The following GFM1 variants were observed in gnomAD, a reference collection of about 807,000 sequenced individuals.
The protein encoded by GFM1 is elongation factor G, mitochondrial.
In GFM1, 62 loss-of-function variants were observed where a neutral mutation model predicts 96.2. The ratio of observed to expected loss-of-function variants is 0.64; its 90% CI spans 0.53 to 0.80. The LOEUF (loss-of-function observed/expected upper bound fraction) is 0.80. Ranked by LOEUF, GFM1 falls within the 30% of genes least tolerant of loss-of-function variation. The pLI is 0.00. For missense variants in GFM1, 852 were observed against 916.6 expected, an observed-to-expected ratio of 0.93 and a Z score of 0.91; for synonymous variants, 282 against 312.9, an observed-to-expected ratio of 0.90 and a Z score of 1.04.
intron 5 of GFM1, chr3:158,649,987 C>A: frequency 6.5e-7 from 1 of 1,534,042 alleles, no homozygotes; most frequent in South Asian, 1.2e-5. Flanking sequence ...CCTCTGTAGC[C>A]TGGTCGTTTC....
At chr3:158,669,276 G>C in intron 13 of GFM1, 3 of 1,195,894 alleles carry the variant, frequency 2.5e-6, no homozygotes, top group Non-Finnish European at 3.5e-6. Flanking sequence ...TAAAATTTCT[G>C]AGGCCTCTTT....
intron 6 of GFM1, 32 bp downstream of exon 6, chr3:158,652,278 C>A: frequency 6.2e-7 from 1 of 1,602,102 alleles, no homozygotes; most frequent in Non-Finnish European, 8.6e-7. Context: ...CTTATGTTAA[C>A]AACAAAAAGA....
Position 158,658,941 on chromosome 3 carries a change from T to C in GFM1, c.1103T>C (p.Leu368Ser). Residue 368 changes from leucine (L) to serine (S), a missense_variant, in exon 9 of 18, where the codon TTA becomes TCA. Coordinates refer to ENST00000486715, the MANE Select transcript of GFM1 (RefSeq NM_024996.7). ...FKLEVGRFGQ[L>S]TYVRSYQGEL... Reference sequence around the variant, plus strand: ...TTCTAGGTAGGTCGATTTGGACAATTAACTTATGTTCGCAGTTATCAGGGA... The same window carrying C: ...TTCTAGGTAGGTCGATTTGGACAATCAACTTATGTTCGCAGTTATCAGGGA... 6.2e-7 allele frequency: 1 copy of C among 1,614,216 alleles called. No individual in the cohort carries two copies. The highest frequency in any genetic ancestry group is 2.2e-5 in the East Asian group (1 of 44,882).
At chr3:158,670,113 C>T (rs1246557136) in intron 13 of GFM1, among the ~76,000 whole-genome samples, 1 of 152,182 alleles carries the variant, frequency 6.6e-6, no homozygotes, top group Non-Finnish European at 1.5e-5. Flanking sequence ...TTTAATGAAT[C>T]TCTTTATGAA....
At chr3:158,669,235 CA>C (rs1295080490) in intron 13 of GFM1, 12 of 1,325,294 alleles carry the variant, frequency 9.1e-6, no homozygotes, top group Non-Finnish European at 9.3e-6. Flanking sequence ...GAATGTTGTG[CA>C]AAAAATAATT....
intron 3 of GFM1, 49 bp from the exon 4 acceptor site, chr3:158,646,694 A>T: frequency 6.7e-7 from 1 of 1,486,802 alleles, no homozygotes; most frequent in South Asian, 1.2e-5. Context: ...TGCATATATT[A>T]AAAATTCAGA....
intron 4 of GFM1, among the ~76,000 whole-genome samples, chr3:158,648,124 G>A (rs1035518475): frequency 1.3e-5 from 2 of 151,496 alleles, no homozygotes; most frequent in Non-Finnish European, 2.9e-5. Flanking sequence ...CTCTTTCCTT[G>A]CAACATTTTT....
Position 158,652,217 on chromosome 3 carries a change from G to GA in GFM1, c.817dup (p.Ile273AsnfsTer6), listed in dbSNP as rs1722355988. 8 of 1,614,020 alleles carry GA rather than the reference G, an allele frequency of 5.0e-6. No homozygotes were observed. Among genetic ancestry groups the GA allele is most frequent in the African/African-American group, 1.3e-5 (1 of 75,010 alleles). On this transcript the variant is annotated frameshift_variant, in exon 6 of 18. Transcript: ENST00000486715. LOFTEE classifies it high-confidence loss of function. ...ACAGCTTGGTGAGATGTTTCTGGAA[G>GA]AAAAAATCCCCTCGATTTCTGATTT... is the stretch of plus-strand genomic sequence containing the variant.
chr3:158,675,295 A>G (rs1361684833), intron 13 of GFM1, among the ~76,000 whole-genome samples: 1 of 142,220 alleles, frequency 7.0e-6, no homozygotes. Flanking sequence ...CAAAAAAAAA[A>G]AAAAAAAAAA....
chr3:158,666,996 G>A (rs1258944342), intron 13 of GFM1: 2 of 1,590,834 alleles, frequency 1.3e-6, no homozygotes, highest in Non-Finnish European at 1.7e-6. Context: ...TCAAATAAAG[G>A]TAAATTATAC....
At chr3:158,686,952 T>C (rs1041828958) in intron 15 of GFM1, among the ~76,000 whole-genome samples, 3 of 151,944 alleles carry the variant, frequency 2.0e-5, no homozygotes, top group African/African-American at 7.3e-5. Context: ...AGGGTGGTCT[T>C]GAACTCCCGA....
rs1330356376 is a variant in GFM1, at chr3:158,646,234, A to G, written c.304A>G (p.Ile102Val). ...MELERQRGIT[I>V]QSAATYTMWK... ...ACTAGAGAGACAAAGAGGAATCACT[A>G]TTCAGTCAGCAGCCACTTACACCAT... The change falls in exon 3 of 18, where the codon ATT (isoleucine) becomes GTT (valine). Residue 102 changes from isoleucine to valine, a missense_variant. Transcript: ENST00000486715. 3.7e-6 allele frequency: 6 copies of G among 1,613,774 alleles called. No homozygotes were observed. Among genetic ancestry groups the G allele is most frequent in the East Asian group, 2.2e-5 (1 of 44,894 alleles).
intron 13 of GFM1, chr3:158,672,325 G>GT: frequency 1.2e-6 from 2 of 1,612,286 alleles, no homozygotes; most frequent in Non-Finnish European, 1.7e-6. Flanking sequence ...AGCCTCTGCT[G>GT]TCCACCACCC....
intron 4 of GFM1, among the ~76,000 whole-genome samples, chr3:158,648,562 C>A (rs1191189743): frequency 6.6e-6 from 1 of 151,860 alleles, no homozygotes; most frequent in Admixed American, 6.6e-5. Flanking sequence ...CCTGTAGTCC[C>A]AGCTACTCGG....
intron 13 of GFM1, chr3:158,669,148 T>C: frequency 6.2e-7 from 1 of 1,606,368 alleles, no homozygotes; most frequent in Non-Finnish European, 8.5e-7. Context: ...AGGAGACACA[T>C]TTATATGATA....
chr3:158,651,916 A>G (rs918978851), intron 5 of GFM1, among the ~76,000 whole-genome samples, 180 bp from the exon 6 acceptor site: 6 of 152,204 alleles, frequency 3.9e-5, no homozygotes, highest in Admixed American at 3.9e-4. Flanking sequence ...CAGTATATTT[A>G]TCTACTATTC....
intron 15 of GFM1, among the ~76,000 whole-genome samples, chr3:158,687,809 T>C (rs1387559959): frequency 2.0e-5 from 3 of 152,142 alleles, no homozygotes; most frequent in Admixed American, 6.5e-5. Flanking sequence ...TTAAAACTTT[T>C]AGAAAACATT....
rs141146379 is a variant in GFM1, at chr3:158,684,681, C to G, written c.1909+13C>G. 153 of 1,613,460 alleles carry G rather than the reference C, an allele frequency of 9.5e-5. No homozygotes were observed. In the Admixed American group the frequency reaches 2.5e-3, roughly 27 times the overall value. ...GCTCTTAAACAAGGTATGCTGGGTC[C>G]GGGCACCTTAGCCTGTCTGTTTTCC... On this transcript the variant is annotated intron_variant, in intron 15 of 17. Transcript: ENST00000486715.
intron 8 of GFM1, chr3:158,656,103 C>A (rs1053823679): frequency 6.3e-6 from 2 of 315,584 alleles, no homozygotes; most frequent in Non-Finnish European, 1.3e-5. Context: ...ACATCATATC[C>A]AAGGTACAGA....
Sources: gnomAD v4.1 joint callset for allele counts (sites outside exome capture counted in the v4.1 genomes callset) on GRCh38, gnomAD v4.1.1 for gene constraint, MANE v1.5 for transcripts, NCBI Gene and HGNC (gene_info 2026-07-23, HGNC 2026-07-21) for gene names.